Variants in SPATA17 observed in about 807,000 individuals in gnomAD.
SPATA17 encodes spermatogenesis-associated protein 17.
In SPATA17, 53 loss-of-function variants were observed where a neutral mutation model predicts 62.2. The ratio of observed to expected loss-of-function variants is 0.85; its 90% CI spans 0.68 to 1.07. The LOEUF is 1.07. Among genes scored for constraint, SPATA17 ranks in the 50% least tolerant of loss-of-function variants. The pLI is 0.00. For missense variants in SPATA17, 466 were observed against 425.5 expected (o/e 1.10, Z -0.84); for synonymous variants, 146 against 146.8 (o/e 0.99, Z 0.04).
At chr1:217,657,132 G>A (rs1297574132) in intron 3 of SPATA17, among the ~76,000 whole-genome samples, 3 of 152,126 alleles carry the variant, frequency 2.0e-5, no homozygotes, top group African/African-American at 7.2e-5. Context: ...GCCACATTAA[G>A]GGAATGGGAA....
chr1:217,653,238 A>G (rs1378165107), intron 3 of SPATA17, among the ~76,000 whole-genome samples: 1 of 152,200 alleles, frequency 6.6e-6, no homozygotes, highest in Non-Finnish European at 1.5e-5. Context: ...CTTTCTTAGA[A>G]TTAGTGACAA....
In SPATA17 at chr1:217,737,220, G is replaced by T. The variant is rs961504363; in HGVS notation, c.396-4755G>T. 1.8e-4 allele frequency among the ~76,000 whole-genome samples: 28 copies of T among 152,168 alleles called. 1 individual carries two copies. The highest frequency in any genetic ancestry group is 1.6e-3 in the Admixed American group (24 of 15,276). On this transcript the variant is annotated intron_variant, in intron 5 of 10. Transcript: ENST00000366933. ...TCATTTCCTCATCTGTTAACTGAGT[G>T]TAATAATATCTGCCCCACAGGACTA... is the stretch of plus-strand genomic sequence containing the variant.
At chr1:217,793,215 G>T (rs1294095051) in intron 8 of SPATA17, among the ~76,000 whole-genome samples, 6 of 114,644 alleles carry the variant, frequency 5.2e-5, no homozygotes, top group African/African-American at 1.3e-4. Context: ...TAGGGCAGTG[G>T]TTTTTGTTTT....
At position 217,703,708 on chromosome 1, in the gene SPATA17, A is replaced by G. The variant is rs540750554; in HGVS notation, c.395+20347A>G. Among the ~76,000 whole-genome samples the G allele has an allele frequency of 3.3e-5, 5 of 152,272 alleles. No individual in the cohort carries two copies. The South Asian group carries it at 1.0e-3, about 32-fold the overall frequency. On this transcript the variant is annotated intron_variant, in intron 5 of 10. Coordinates refer to ENST00000366933, the MANE Select transcript of SPATA17 (RefSeq NM_138796.4). ...TGTTTAGGAATTCATGTTTAGGAAA[A>G]TTCTCAGCCATACTGCTATTGACTT...
chr1:217,852,924 C>T (rs1363095971), intron 9 of SPATA17, among the ~76,000 whole-genome samples: 1 of 152,104 alleles, frequency 6.6e-6, no homozygotes, highest in East Asian at 1.9e-4. Context: ...CTCCACTACC[C>T]TGTCTTATGT....
At chr1:217,642,463 T>C (rs981443237) in intron 1 of SPATA17, among the ~76,000 whole-genome samples, 3 of 152,218 alleles carry the variant, frequency 2.0e-5, no homozygotes, top group Non-Finnish European at 4.4e-5. Context: ...ATTGTTCTAA[T>C]GCTTTCCTTG....
chr1:217,753,030 G>T (rs940803233), intron 6 of SPATA17, among the ~76,000 whole-genome samples: 10 of 152,130 alleles, frequency 6.6e-5, no homozygotes, highest in African/African-American at 2.4e-4. Flanking sequence ...ATCTGAACAT[G>T]CCCACAGCCA....
chr1:217,768,329 A>G (rs1276582131), intron 6 of SPATA17, among the ~76,000 whole-genome samples: 1 of 152,088 alleles, frequency 6.6e-6, no homozygotes, highest in African/African-American at 2.4e-5. Flanking sequence ...TCTAGAATCA[A>G]CCCCAATCTT....
At chr1:217,863,646 A>G (rs1259824180) in intron 10 of SPATA17, among the ~76,000 whole-genome samples, 2 of 152,190 alleles carry the variant, frequency 1.3e-5, no homozygotes, top group East Asian at 1.9e-4. Context: ...TAGAAGATAT[A>G]TAAGAATAAA....
chr1:217,816,755 A>G (rs1266986505), intron 9 of SPATA17, among the ~76,000 whole-genome samples: 3 of 152,100 alleles, frequency 2.0e-5, no homozygotes, highest in Non-Finnish European at 2.9e-5. Context: ...TTAGTATCTA[A>G]AAAGATCAAT....
chr1:217,642,580 G>T (rs111781965), intron 1 of SPATA17, among the ~76,000 whole-genome samples: 1 of 152,254 alleles, frequency 6.6e-6, no homozygotes, highest in South Asian at 2.1e-4. Flanking sequence ...TAATCCTTAC[G>T]TGTTGAAGGG....
At chr1:217,760,911 A>C (rs565578103) in intron 6 of SPATA17, among the ~76,000 whole-genome samples, 1 of 152,276 alleles carries the variant, frequency 6.6e-6, no homozygotes. Context: ...TTGTAGGAGG[A>C]TGGTGGTCAT....
intron 4 of SPATA17, among the ~76,000 whole-genome samples, chr1:217,672,192 A>G (rs1366964747): frequency 6.6e-6 from 1 of 152,226 alleles, no homozygotes; most frequent in Non-Finnish European, 1.5e-5. Context: ...GAAGATTACA[A>G]TCCTAATTGG....
At chr1:217,736,030 T>C (rs1397403979) in intron 5 of SPATA17, among the ~76,000 whole-genome samples, 7 of 151,884 alleles carry the variant, frequency 4.6e-5, no homozygotes, top group Non-Finnish European at 1.0e-4. Context: ...CAGAGTGCTC[T>C]TTTTCCTCAA....
chr1:217,643,768 G>T (rs1045836517), intron 1 of SPATA17, among the ~76,000 whole-genome samples: 9 of 150,430 alleles, frequency 6.0e-5, no homozygotes. Flanking sequence ...TCACTCTGTT[G>T]CCCAGGCTGG....
Position 217,742,783 on chromosome 1 carries a change from T to C in SPATA17, c.519+685T>C, listed in dbSNP as rs530231369. 2.4e-3 allele frequency among the ~76,000 whole-genome samples: 372 copies of C among 152,180 alleles called. 2 individuals are homozygous for C. The highest frequency in any genetic ancestry group is 7.9e-3 in the African/African-American group (328 of 41,528). ...GTTACTGGGGATCTAGTCAGGAAAC[T>C]AGCAATTTCCGGGTTTTTATTTTTT... On this transcript the variant is annotated intron_variant, in intron 6 of 10. Transcript: ENST00000366933.
rs914841164 is a variant in SPATA17 at position 217,868,671 on chromosome 1, T to A, written c.*1652T>A. ...GAAAGTATCTGAGACAATGTTTTTTTTTTTTTTTTTTTTTTTTTTAATTTC... is the reference window on the plus strand; with the variant it reads ...GAAAGTATCTGAGACAATGTTTTTTATTTTTTTTTTTTTTTTTTTAATTTC... On this transcript the variant is annotated 3_prime_UTR_variant, in exon 11 of 11. Coordinates refer to ENST00000366933, the MANE Select transcript of SPATA17 (RefSeq NM_138796.4). The A allele has an allele frequency of 1.4e-5, 2 of 147,474 alleles. No individual in the cohort carries two copies. The highest frequency in any genetic ancestry group is 3.0e-5 in the Non-Finnish European group (2 of 66,940). The allele number at this position is 147,474 out of a possible 1,614,324, so 9.1% of individuals were successfully genotyped here.
At chr1:217,687,729 G>T (rs1671249914) in intron 5 of SPATA17, among the ~76,000 whole-genome samples, 1 of 152,104 alleles carries the variant, frequency 6.6e-6, no homozygotes, top group Admixed American at 6.5e-5. Flanking sequence ...GCCTAAGGAT[G>T]CATTTCTCAG....
chr1:217,768,962 C>A (rs1360762562), intron 6 of SPATA17, among the ~76,000 whole-genome samples: 1 of 152,146 alleles, frequency 6.6e-6, no homozygotes, highest in Non-Finnish European at 1.5e-5. Context: ...ACCCCCGCCA[C>A]TGAGAAGAGC....
Sources: gnomAD v4.1 joint callset for allele counts (sites outside exome capture counted in the v4.1 genomes callset) on GRCh38, gnomAD v4.1.1 for gene constraint, MANE v1.5 for transcripts, NCBI Gene and HGNC (gene_info 2026-07-23, HGNC 2026-07-21) for gene names.